The following KHDRBS2 variants were observed in gnomAD, a reference collection of about 807,000 sequenced individuals.
KHDRBS2 encodes the protein KH domain-containing, RNA-binding, signal transduction-associated protein 2.
Under a neutral mutation model 44.3 loss-of-function variants are expected in KHDRBS2, and 26 were observed. The observed-to-expected ratio is 0.59, with a 90% CI of 0.43 to 0.81. The LOEUF (loss-of-function observed/expected upper bound fraction) is 0.81. KHDRBS2 is among the 40% of genes least tolerant of loss of function. KHDRBS2 has a pLI of 0.00. For synonymous variants in KHDRBS2, 194 were observed against 151.1 expected (o/e 1.28, Z -2.08); for missense variants, 476 against 433.1 (o/e 1.10, Z -0.88).
chr6:62,010,818 A>C (rs911369837), intron 3 of KHDRBS2, among the ~76,000 whole-genome samples: 1 of 152,208 alleles, frequency 6.6e-6, no homozygotes, highest in African/African-American at 2.4e-5. Context: ...CTGCTTTTTT[A>C]AACTGTTAAT....
At chr6:62,150,730 T>C (rs1345803585) in intron 2 of KHDRBS2, among the ~76,000 whole-genome samples, 1 of 152,204 alleles carries the variant, frequency 6.6e-6, no homozygotes, top group African/African-American at 2.4e-5. Flanking sequence ...GTATATGTTG[T>C]TTTTCTAAAA....
rs1316520706 is a variant in KHDRBS2, at chr6:61,916,370, A to G, written c.484-14999T>C. On this transcript the variant is annotated intron_variant, in intron 4 of 8. Transcript: ENST00000281156. Reference sequence around the variant, plus strand: ...TTGGGACTCCACCCAAACTTTCCAGATATCTCAACCTTTGTTTTATCCATA... The same window carrying G: ...TTGGGACTCCACCCAAACTTTCCAGGTATCTCAACCTTTGTTTTATCCATA... Among the ~76,000 whole-genome samples, 4 of 152,066 alleles carry G rather than the reference A, an allele frequency of 2.6e-5. No homozygotes were observed. In the South Asian group the frequency reaches 8.3e-4, roughly 31 times the overall value.
At chr6:61,955,732 A>AAACT (rs1554292601) in intron 4 of KHDRBS2, among the ~76,000 whole-genome samples, 3 of 126,208 alleles carry the variant, frequency 2.4e-5, no homozygotes, top group Admixed American at 1.6e-4. Context: ...ACATATATAG[A>AAACT]CAGAGAGAGA....
chr6:61,819,562 C>T (rs1789544915), intron 6 of KHDRBS2, among the ~76,000 whole-genome samples: 1 of 151,878 alleles, frequency 6.6e-6, no homozygotes. Flanking sequence ...TGATTAGTAA[C>T]TGAGTGCACT....
chr6:62,051,885 C>T (rs1015895882), intron 2 of KHDRBS2, among the ~76,000 whole-genome samples: 2 of 151,932 alleles, frequency 1.3e-5, no homozygotes, highest in Non-Finnish European at 2.9e-5. Context: ...AGATGCTCAA[C>T]ATCATTAATC....
rs575958775 is a variant in KHDRBS2 at position 62,160,880 on chromosome 6, C to T, written c.219+16305G>A. Among the ~76,000 whole-genome samples, 154 of 152,080 alleles carry T rather than the reference C, an allele frequency of 1.0e-3. 1 individual carries two copies. The highest frequency in any genetic ancestry group is 4.0e-4 in the Non-Finnish European group (27 of 67,988). ...GTATACAGTGTAGTGGTGTTAAACA[C>T]ATTCATAATGTTGTACAATCATCAC... On this transcript the variant is annotated intron_variant, in intron 2 of 8. Transcript: ENST00000281156.
At chr6:61,595,914 A>C in the KHDRBS2 span, among the ~76,000 whole-genome samples, 1 of 152,122 alleles carries the variant, frequency 6.6e-6, no homozygotes, top group Non-Finnish European at 1.5e-5. Context: ...TGAAACTATG[A>C]CAGAGGTACC....
At chr6:61,694,373 A>C (rs1264527171) in intron 8 of KHDRBS2, among the ~76,000 whole-genome samples, 2 of 152,190 alleles carry the variant, frequency 1.3e-5, no homozygotes, top group Admixed American at 1.3e-4. Context: ...GTTTCTCAAC[A>C]CCAAATAGCA....
intron 2 of KHDRBS2, among the ~76,000 whole-genome samples, chr6:62,054,330 T>C (rs1427226929): frequency 1.3e-5 from 2 of 152,024 alleles, no homozygotes; most frequent in Admixed American, 6.6e-5. Context: ...GGGGCACAGA[T>C]AGACAAATAG....
intron 6 of KHDRBS2, among the ~76,000 whole-genome samples, chr6:61,765,887 T>A (rs950937962): frequency 3.9e-5 from 6 of 152,110 alleles, no homozygotes; most frequent in African/African-American, 1.4e-4. Flanking sequence ...TTTGCTAGTA[T>A]TTTATTGGGG....
chr6:62,205,559 C>T (rs1386337763), intron 1 of KHDRBS2, among the ~76,000 whole-genome samples: 2 of 152,082 alleles, frequency 1.3e-5, no homozygotes, highest in African/African-American at 4.8e-5. Flanking sequence ...GTCTCCTTCC[C>T]TTTGGATAAG....
intron 6 of KHDRBS2, among the ~76,000 whole-genome samples, chr6:61,851,945 G>T (rs924628470): frequency 2.0e-5 from 3 of 152,128 alleles, no homozygotes; most frequent in Non-Finnish European, 4.4e-5. Context: ...AACCAGGCTG[G>T]GTGCAGTGGC....
intron 1 of KHDRBS2, among the ~76,000 whole-genome samples, chr6:62,199,315 A>G (rs1234669054): frequency 6.6e-6 from 1 of 152,206 alleles, no homozygotes; most frequent in Non-Finnish European, 1.5e-5. Context: ...TTTGCAGATG[A>G]CATGATTGTA....
intron 2 of KHDRBS2, among the ~76,000 whole-genome samples, chr6:62,079,563 GT>G (rs1797001923): frequency 6.6e-6 from 1 of 152,068 alleles, no homozygotes; most frequent in Non-Finnish European, 1.5e-5. Flanking sequence ...GGATTCAGTT[GT>G]TGAATTTCAA....
chr6:61,862,398 G>T (rs1249890342), intron 6 of KHDRBS2, among the ~76,000 whole-genome samples: 1 of 152,090 alleles, frequency 6.6e-6, no homozygotes, highest in East Asian at 1.9e-4. Flanking sequence ...TCTTGTGCAG[G>T]TTTTCAAGAG....
At chr6:61,849,921 A>T (rs962800111) in intron 6 of KHDRBS2, among the ~76,000 whole-genome samples, 5 of 152,128 alleles carry the variant, frequency 3.3e-5, no homozygotes, top group Non-Finnish European at 5.9e-5. Flanking sequence ...TTTTAATTTA[A>T]ATTAATTTAC....
In KHDRBS2 at chr6:61,683,774, C is replaced by T. The variant is rs145361738; in HGVS notation, c.953-2714G>A. 7.0e-3 allele frequency among the ~76,000 whole-genome samples: 1,063 copies of T among 151,904 alleles called. 20 individuals are homozygous for T. Among genetic ancestry groups the T allele is most frequent in the African/African-American group, 0.023 (951 of 41,492 alleles). The stretch of plus-strand genomic sequence containing the variant: ...GGCACAAATATGTGCTCTTTTATAA[C>T]GCTCTGCTTCTATGTGAATTAATAC... On this transcript the variant is annotated intron_variant, in intron 8 of 8. Coordinates refer to ENST00000281156, the MANE Select transcript of KHDRBS2 (RefSeq NM_152688.4).
intron 6 of KHDRBS2, among the ~76,000 whole-genome samples, chr6:61,776,254 C>G (rs1308493951): frequency 1.3e-5 from 2 of 152,080 alleles, no homozygotes; most frequent in African/African-American, 4.8e-5. Flanking sequence ...GTCTACAACA[C>G]CAAAAGCAAT....
At chr6:61,730,086 ATAGTT>A (rs1774203524) in intron 7 of KHDRBS2, among the ~76,000 whole-genome samples, 1 of 152,150 alleles carries the variant, frequency 6.6e-6, no homozygotes, top group Admixed American at 6.6e-5. Flanking sequence ...TCTGAAAAAA[ATAGTT>A]TACTAATTAG....
Sources: allele counts gnomAD v4.1 joint callset (sites outside exome capture counted in the v4.1 genomes callset), GRCh38; gene constraint gnomAD v4.1.1; transcripts MANE v1.5; gene names NCBI Gene and HGNC (gene_info 2026-07-23, HGNC 2026-07-21).